The following ZNF407 variants were observed in gnomAD, a reference collection of about 807,000 sequenced individuals.
ZNF407 encodes the protein zinc finger protein 407.
ZNF407 carries 17 observed loss-of-function variants against 131.2 expected under a neutral mutation model. The ratio of observed to expected loss-of-function variants is 0.13; its 90% CI spans 0.09 to 0.19. The LOEUF is 0.19. Ranked by LOEUF, ZNF407 falls within the 10% of genes least tolerant of loss-of-function variation. ZNF407 has a pLI of 1.00. For synonymous variants in ZNF407, 1,156 were observed against 1,062.0 expected (o/e 1.09, Z -1.72); for missense variants, 2,681 against 2,830.6 (o/e 0.95, Z 1.20).
intron 4 of ZNF407, among the ~76,000 whole-genome samples, chr18:74,829,522 T>C (rs1349006623): frequency 6.6e-6 from 1 of 152,200 alleles, no homozygotes; most frequent in African/African-American, 2.4e-5. Context: ...TCAGCATTTC[T>C]GTAGGTCTAA....
intron 1 of ZNF407, among the ~76,000 whole-genome samples, chr18:74,600,878 C>A (rs1309133594): frequency 2.0e-5 from 3 of 152,178 alleles, no homozygotes; most frequent in Admixed American, 6.5e-5. Flanking sequence ...CATGTACACC[C>A]TTTTGCTTGT....
intron 3 of ZNF407, among the ~76,000 whole-genome samples, chr18:74,759,845 A>G (rs1271257052): frequency 8.4e-5 from 11 of 131,638 alleles, no homozygotes; most frequent in African/African-American, 3.2e-4. Context: ...TAGTTGAGTT[A>G]GTGTTTTTGT....
chr18:74,815,675 C>T (rs538733155), intron 4 of ZNF407, among the ~76,000 whole-genome samples: 1 of 152,142 alleles, frequency 6.6e-6, no homozygotes, highest in Non-Finnish European at 1.5e-5. Context: ...GCTTCAGTAA[C>T]TTGCCTGAGT....
intron 8 of ZNF407, among the ~76,000 whole-genome samples, chr18:75,017,859 A>G (rs1973063260): frequency 1.3e-5 from 2 of 152,094 alleles, no homozygotes; most frequent in African/African-American, 4.8e-5. Context: ...CCTGTTTTCT[A>G]TCTACACTGT....
At chr18:74,725,699 T>A (rs1968140268) in intron 3 of ZNF407, among the ~76,000 whole-genome samples, 1 of 152,226 alleles carries the variant, frequency 6.6e-6, no homozygotes, top group Non-Finnish European at 1.5e-5. Context: ...GGTCATTTTT[T>A]AAACTATAAT....
intron 8 of ZNF407, among the ~76,000 whole-genome samples, chr18:74,930,062 T>C (rs1443957135): frequency 6.6e-6 from 1 of 152,158 alleles, no homozygotes; most frequent in East Asian, 1.9e-4. Flanking sequence ...GTATTCAGAG[T>C]TTATCATTTT....
chr18:75,023,275 A>T (rs1371099972), intron 8 of ZNF407, among the ~76,000 whole-genome samples: 1 of 152,134 alleles, frequency 6.6e-6, no homozygotes, highest in Non-Finnish European at 1.5e-5. Flanking sequence ...TTTCACATGT[A>T]CCCTGGAACT....
At chr18:74,692,612 G>A (rs1172874445) in intron 3 of ZNF407, among the ~76,000 whole-genome samples, 1 of 152,116 alleles carries the variant, frequency 6.6e-6, no homozygotes, top group Non-Finnish European at 1.5e-5. Flanking sequence ...GTTGGTCTTG[G>A]GGAGGAGTTT....
chr18:75,038,730 A>C (rs746863934), intron 8 of ZNF407, among the ~76,000 whole-genome samples: 1 of 152,220 alleles, frequency 6.6e-6, no homozygotes, highest in Non-Finnish European at 1.5e-5. Context: ...TTCGCTTAGA[A>C]ACTTAGGAGT....
At chr18:75,034,688 G>A (rs1403897188) in intron 8 of ZNF407, among the ~76,000 whole-genome samples, 1 of 151,870 alleles carries the variant, frequency 6.6e-6, no homozygotes, top group Admixed American at 6.6e-5. Context: ...ACCAAAAAAT[G>A]GTTTAGTTCT....
chr18:74,679,635 A>G (rs988618263), intron 3 of ZNF407, among the ~76,000 whole-genome samples: 4 of 152,212 alleles, frequency 2.6e-5, no homozygotes, highest in Admixed American at 2.6e-4. Context: ...GTTACCTCTT[A>G]AGGCAGTCCA....
chr18:74,914,745 C>G (rs530101061), intron 7 of ZNF407, among the ~76,000 whole-genome samples: 1 of 152,192 alleles, frequency 6.6e-6, no homozygotes, highest in East Asian at 1.9e-4. Context: ...AGGGGTGTTT[C>G]CTCTGCACCA....
rs191213083 is a variant in ZNF407, at chr18:74,648,286, C to T, written c.4802+7164C>T. Among the ~76,000 whole-genome samples the T allele has an allele frequency of 1.7e-3, 260 of 152,220 alleles. 2 individuals are homozygous for T. Among genetic ancestry groups the T allele is most frequent in the African/African-American group, 5.8e-3 (240 of 41,536 alleles). The stretch of plus-strand genomic sequence containing the variant: ...AGGCGGGGGTTGCAGCAGGATCAAC[C>T]ATGGCGTGCGGGATGTGCACGAACT... On this transcript the variant is annotated intron_variant, in intron 3 of 8. Coordinates refer to ENST00000299687, the MANE Select transcript of ZNF407 (RefSeq NM_017757.3).
At chr18:74,954,543 T>C (rs559257156) in intron 8 of ZNF407, among the ~76,000 whole-genome samples, 86 of 152,354 alleles carry the variant, frequency 5.6e-4, no homozygotes, top group Non-Finnish European at 1.1e-3. Context: ...AATCATGCAA[T>C]AATTATTAAT....
intron 4 of ZNF407, among the ~76,000 whole-genome samples, chr18:74,817,261 G>A (rs943025334): frequency 6.6e-5 from 10 of 152,240 alleles, no homozygotes; most frequent in African/African-American, 2.4e-4. Context: ...ATTGCAGGGA[G>A]TGAGTGTTGG....
chr18:74,763,700 C>CT (rs1356855534), intron 3 of ZNF407, among the ~76,000 whole-genome samples: 1 of 131,334 alleles, frequency 7.6e-6, no homozygotes, highest in Non-Finnish European at 1.6e-5. Flanking sequence ...TCATTCTTAT[C>CT]TTTGATTTTT....
chr18:75,021,900 C>T (rs960186956), intron 8 of ZNF407, among the ~76,000 whole-genome samples: 1 of 151,760 alleles, frequency 6.6e-6, no homozygotes, highest in Non-Finnish European at 1.5e-5. Flanking sequence ...AAAAAGGCAA[C>T]TAGAATACTG....
At chr18:74,704,175 G>A (rs1487346265) in intron 3 of ZNF407, among the ~76,000 whole-genome samples, 1 of 152,164 alleles carries the variant, frequency 6.6e-6, no homozygotes, top group Admixed American at 6.5e-5. Flanking sequence ...AAATGATGAA[G>A]CTCATCAGCT....
At chr18:74,741,262 A>T (rs757332781) in intron 3 of ZNF407, among the ~76,000 whole-genome samples, 1 of 152,060 alleles carries the variant, frequency 6.6e-6, no homozygotes, top group Non-Finnish European at 1.5e-5. Flanking sequence ...ACATACACAC[A>T]CTTATGTGGA....
Sources: allele counts gnomAD v4.1 joint callset (sites outside exome capture counted in the v4.1 genomes callset), GRCh38; gene constraint gnomAD v4.1.1; transcripts MANE v1.5; gene names NCBI Gene and HGNC (gene_info 2026-07-23, HGNC 2026-07-21).